Variants in PRKCE observed in about 807,000 individuals in gnomAD.
The protein encoded by PRKCE is protein kinase C epsilon type.
Under a neutral mutation model 85.4 loss-of-function variants are expected in PRKCE, and 16 were observed. The observed-to-expected ratio is 0.19, with a 90% CI of 0.13 to 0.28. PRKCE has a LOEUF of 0.28. Ranked by LOEUF, PRKCE falls within the 10% of genes least tolerant of loss-of-function variation. The probability of loss-of-function intolerance (pLI) is 1.00; values close to 1 mark genes in which losing one functional copy is unlikely to be tolerated. For missense variants in PRKCE, 573 were observed against 975.2 expected (o/e 0.59, Z 5.49); for synonymous variants, 388 against 371.5 (o/e 1.04, Z -0.51).
At chr2:45,653,370 G>GTTGTTTTTT (rs1675220861) in intron 1 of PRKCE, among the ~76,000 whole-genome samples, 2 of 61,464 alleles carry the variant, frequency 3.3e-5, no homozygotes, top group African/African-American at 1.1e-4. Flanking sequence ...TTTTTGGGTT[G>GTTGTTTTTT]TTTTTTTTTT....
intron 10 of PRKCE, chr2:46,010,846 C>G: frequency 6.5e-7 from 1 of 1,534,396 alleles, no homozygotes; most frequent in Non-Finnish European, 8.7e-7. Context: ...AACTTTCTAT[C>G]ACTAATCAAA....
At chr2:46,105,882 A>G (rs1671668641) in intron 11 of PRKCE, among the ~76,000 whole-genome samples, 1 of 152,122 alleles carries the variant, frequency 6.6e-6, no homozygotes, top group African/African-American at 2.4e-5. Flanking sequence ...ATTCATTTAC[A>G]TTTTTCATGA....
Position 46,159,867 on chromosome 2 carries a change from C to CA in PRKCE, c.2067+118dup, listed in dbSNP as rs1677583651. 1 of 1,378,926 alleles carries CA rather than the reference C, an allele frequency of 7.3e-7. No individual in the cohort carries two copies. Among genetic ancestry groups the CA allele is most frequent in the Non-Finnish European group, 9.9e-7 (1 of 1,014,074 alleles). 85.4% of individuals were successfully genotyped at this position (1,378,926 alleles called of 1,614,324 possible). ...GGGATGCGTATTACAGTAAAAATGA[C>CA]AAAGACCAGAGGTGGCTGAGGCTCT... On this transcript the variant is annotated intron_variant, in intron 14 of 14. Coordinates refer to ENST00000306156, the MANE Select transcript of PRKCE (RefSeq NM_005400.3). The surrounding 1 kb of genome is among the most constrained non-coding windows in gnomAD (Gnocchi z 4.1).
At chr2:46,065,669 C>G (rs907337986) in intron 10 of PRKCE, among the ~76,000 whole-genome samples, 3 of 152,144 alleles carry the variant, frequency 2.0e-5, no homozygotes, top group African/African-American at 7.2e-5. Context: ...TCTTCCTAAT[C>G]AAGATCTGAG....
intron 11 of PRKCE, among the ~76,000 whole-genome samples, chr2:46,118,800 T>C (rs538964845): frequency 1.3e-5 from 2 of 152,120 alleles, no homozygotes; most frequent in Non-Finnish European, 2.9e-5. Context: ...ATCTGGCAGT[T>C]TGGGCGTTGA....
intron 2 of PRKCE, among the ~76,000 whole-genome samples, chr2:45,849,991 A>G (rs1573601660): frequency 6.6e-6 from 1 of 152,266 alleles, no homozygotes; most frequent in East Asian, 1.9e-4. Context: ...AATGTCACAA[A>G]GAGACATCGC....
At chr2:46,136,597 GC>G (rs1340573533) in intron 11 of PRKCE, among the ~76,000 whole-genome samples, 2 of 152,112 alleles carry the variant, frequency 1.3e-5, no homozygotes, top group African/African-American at 4.8e-5. Flanking sequence ...GATACCCGCT[GC>G]CCAGGGCTGT....
Position 45,816,780 on chromosome 2 carries a change from C to T in PRKCE, c.349-26220C>T, listed in dbSNP as rs563507240. 4.6e-5 allele frequency among the ~76,000 whole-genome samples: 7 copies of T among 152,236 alleles called. No individual in the cohort carries two copies. The East Asian group carries it at 1.4e-3, about 29-fold the overall frequency. On this transcript the variant is annotated intron_variant, in intron 1 of 14. Coordinates refer to ENST00000306156, the MANE Select transcript of PRKCE (RefSeq NM_005400.3). ...CCCAGCCTTCTCACTGCCCTGTTAC[C>T]TCCTCGATATTCCTGTCCATCCTCC...
intron 11 of PRKCE, among the ~76,000 whole-genome samples, chr2:46,127,163 G>A (rs140350848): frequency 6.6e-6 from 1 of 152,244 alleles, no homozygotes; most frequent in African/African-American, 2.4e-5. Context: ...TTAGCTTCCA[G>A]GTTTGTTCAG....
intron 1 of PRKCE, among the ~76,000 whole-genome samples, chr2:45,727,039 A>G (rs1573085535): frequency 6.6e-6 from 1 of 152,168 alleles, no homozygotes; most frequent in Non-Finnish European, 1.5e-5. Context: ...TTATTAATAG[A>G]CCTGCCATTT....
intron 12 of PRKCE, among the ~76,000 whole-genome samples, chr2:46,146,374 A>C (rs1200119840): frequency 6.6e-6 from 1 of 152,278 alleles, no homozygotes; most frequent in Non-Finnish European, 1.5e-5. Flanking sequence ...CTAGGCACAA[A>C]GCAATGTGGA....
chr2:45,798,845 G>A (rs1687638154), intron 1 of PRKCE, among the ~76,000 whole-genome samples: 1 of 151,500 alleles, frequency 6.6e-6, no homozygotes, highest in African/African-American at 2.4e-5. Context: ...ATTATTATGG[G>A]CACATAATTG....
intron 1 of PRKCE, among the ~76,000 whole-genome samples, chr2:45,685,788 G>T (rs1677251578): frequency 6.6e-6 from 1 of 152,108 alleles, no homozygotes; most frequent in Admixed American, 6.6e-5. Flanking sequence ...GGTAGTATTT[G>T]GATAAGCCTG....
intron 2 of PRKCE, among the ~76,000 whole-genome samples, chr2:45,856,437 G>T (rs1209712723): frequency 2.6e-5 from 4 of 152,082 alleles, no homozygotes; most frequent in African/African-American, 7.2e-5. Context: ...CACCATGTTG[G>T]TCAGGCTAGT....
intron 11 of PRKCE, among the ~76,000 whole-genome samples, chr2:46,117,298 C>T (rs1248507272): frequency 6.6e-6 from 1 of 152,234 alleles, no homozygotes; most frequent in Non-Finnish European, 1.5e-5. Flanking sequence ...ACATTGAATA[C>T]ATCTACATGC....
chr2:46,005,838 C>G (rs1705144643), intron 8 of PRKCE, among the ~76,000 whole-genome samples: 2 of 152,178 alleles, frequency 1.3e-5, no homozygotes, highest in Non-Finnish European at 2.9e-5. Context: ...CATAAGTAGC[C>G]TGATGTACTC....
At chr2:45,871,832 C>A (rs1004461870) in intron 2 of PRKCE, among the ~76,000 whole-genome samples, 1 of 152,166 alleles carries the variant, frequency 6.6e-6, no homozygotes, top group Non-Finnish European at 1.5e-5. Context: ...CCTGCCAGAA[C>A]CTTCCCCTTA....
At chr2:45,842,811 G>A (rs774822289) in intron 1 of PRKCE, among the ~76,000 whole-genome samples, 189 bp from the exon 2 acceptor site, 17 of 152,214 alleles carry the variant, frequency 1.1e-4, no homozygotes, top group Non-Finnish European at 1.9e-4. Flanking sequence ...CACTGGGATG[G>A]TGCTACCTAT....
chr2:45,740,994 A>G (rs1375504644), intron 1 of PRKCE, among the ~76,000 whole-genome samples: 1 of 152,238 alleles, frequency 6.6e-6, no homozygotes, highest in African/African-American at 2.4e-5. Flanking sequence ...AAATCTCTCT[A>G]TATAAGATGC....
Sources: allele counts gnomAD v4.1 joint callset (sites outside exome capture counted in the v4.1 genomes callset), GRCh38; gene constraint gnomAD v4.1.1; non-coding constraint Gnocchi (gnomAD v3.1); transcripts MANE v1.5; gene names NCBI Gene and HGNC (gene_info 2026-07-23, HGNC 2026-07-21).